ORC5: variants seen among roughly 807,000 people sequenced by gnomAD.
The protein encoded by ORC5 is origin recognition complex subunit 5.
Under a neutral mutation model 58.8 loss-of-function variants are expected in ORC5, and 39 were observed. That is an observed-to-expected ratio of 0.66 (90% CI 0.51 to 0.87). The LOEUF is 0.87. Ranked by LOEUF, ORC5 falls within the 40% of genes least tolerant of loss-of-function variation. The pLI, the probability that ORC5 is intolerant of heterozygous loss-of-function variation, is 0.00. For synonymous variants in ORC5, 218 were observed against 177.6 expected (o/e 1.23, Z -1.81); for missense variants, 493 against 506.3 (o/e 0.97, Z 0.25).
chr7:104,158,744 C>T (rs1362051200), intron 12 of ORC5, among the ~76,000 whole-genome samples: 1 of 151,642 alleles, frequency 6.6e-6, no homozygotes, highest in Non-Finnish European at 1.5e-5. Context: ...TCATCACTGG[C>T]CATCAGAGAA....
In ORC5 at chr7:104,205,890, T is replaced by C. The variant is rs1003653248; in HGVS notation, c.73-1656A>G. Among the ~76,000 whole-genome samples the C allele has an allele frequency of 3.3e-5, 5 of 152,136 alleles. No homozygotes were observed. The South Asian group carries it at 8.3e-4, about 25-fold the overall frequency. On this transcript the variant is annotated intron_variant, in intron 1 of 13. Coordinates refer to ENST00000297431, the MANE Select transcript of ORC5 (RefSeq NM_002553.4). ...CAGGCTTGGAGGCAAACACCTGTGGTCCCAGCTACTCGGAGGCTGAGGTGG... is the reference window on the plus strand; with the variant it reads ...CAGGCTTGGAGGCAAACACCTGTGGCCCCAGCTACTCGGAGGCTGAGGTGG...
chr7:104,163,072 T>C (rs1221204448), intron 11 of ORC5, among the ~76,000 whole-genome samples: 1 of 152,252 alleles, frequency 6.6e-6, no homozygotes, highest in African/African-American at 2.4e-5. Flanking sequence ...AAAAAATTCA[T>C]TATTACAAAT....
chr7:104,127,071 A>G (rs1486354164), intron 13 of ORC5, among the ~76,000 whole-genome samples, 178 bp from the exon 14 acceptor site: 4 of 151,398 alleles, frequency 2.6e-5, no homozygotes, highest in African/African-American at 4.9e-5. Flanking sequence ...GGAACACAAT[A>G]TTTTAATTTT....
chr7:104,194,064 C>T (rs1296452676), intron 5 of ORC5, among the ~76,000 whole-genome samples: 6 of 148,414 alleles, frequency 4.0e-5, no homozygotes, highest in African/African-American at 1.2e-4. Flanking sequence ...TCATGAAAAA[C>T]TGAACTATGA....
At chr7:104,159,129 A>G (rs1241602335) in intron 12 of ORC5, among the ~76,000 whole-genome samples, 3 of 150,958 alleles carry the variant, frequency 2.0e-5, no homozygotes, top group Admixed American at 6.6e-5. Flanking sequence ...CATATACACC[A>G]TGGAATACTA....
chr7:104,203,895 G>A (rs1048518932), intron 2 of ORC5, among the ~76,000 whole-genome samples: 6 of 152,210 alleles, frequency 3.9e-5, no homozygotes, highest in African/African-American at 1.4e-4. Context: ...TTTTAACAAT[G>A]TGAAGCAACA....
At position 104,128,675 on chromosome 7, in the gene ORC5, T is replaced by TC. The variant is rs546845907; in HGVS notation, c.1263-1783dup. Among the ~76,000 whole-genome samples the TC allele has an allele frequency of 9.5e-3, 237 of 25,008 alleles. 2 individuals carry two copies. Among genetic ancestry groups the TC allele is most frequent in the African/African-American group, 0.032 (208 of 6,466 alleles). The allele number at this position is 25,008 out of a possible 152,430, so 16.4% of individuals were successfully genotyped here. A position where few individuals can be genotyped will look rare whatever the true frequency, so the allele number is the denominator to read the frequency against. ...ATCTCCTAATGCTATCCCTCCCCCC[T>TC]CCCCCCCACCCCACAACAGTCCCCA... On this transcript the variant is annotated intron_variant, in intron 13 of 13. Coordinates refer to ENST00000297431, the MANE Select transcript of ORC5 (RefSeq NM_002553.4).
rs1205032627 is a variant in ORC5, at chr7:104,126,851, C to T, written c.1305G>A (p.Leu435=). 9 of 1,605,356 alleles carry T rather than the reference C, an allele frequency of 5.6e-6. No homozygotes were observed. Among genetic ancestry groups the T allele is most frequent in the Non-Finnish European group, 6.8e-6 (8 of 1,174,332 alleles). Residue 435 remains leucine (L), a synonymous_variant, in exon 14 of 14, where the codon TTG becomes TTA. Coordinates refer to ENST00000297431, the MANE Select transcript of ORC5 (RefSeq NM_002553.4). ...CATATGGCTTTGAAGCTTGTTTTCA[C>T]AAGAAATCATACAAGTATTTTATTA... is the stretch of plus-strand genomic sequence containing the variant. ...FDIIKYLYDF[L]
chr7:104,189,106 G>A (rs1410315227), intron 5 of ORC5, among the ~76,000 whole-genome samples: 2 of 152,156 alleles, frequency 1.3e-5, no homozygotes, highest in East Asian at 3.9e-4. Context: ...GATAGCTTCA[G>A]GATGGGGACT....
intron 8 of ORC5, among the ~76,000 whole-genome samples, chr7:104,178,030 T>C (rs1584506876): frequency 6.6e-6 from 1 of 152,210 alleles, no homozygotes; most frequent in African/African-American, 2.4e-5. Context: ...GCAATAAACA[T>C]AGGTGTGCAT....
chr7:104,165,391 G>A, intron 10 of ORC5, 109 bp from the exon 11 acceptor site: 1 of 630,972 alleles, frequency 1.6e-6, no homozygotes, highest in East Asian at 3.1e-5. Context: ...GTATATCTCA[G>A]GTTTTTAAAT....
chr7:104,171,687 C>CA (rs375401251), intron 8 of ORC5, among the ~76,000 whole-genome samples: 11 of 151,440 alleles, frequency 7.3e-5, no homozygotes, highest in Admixed American at 2.6e-4. Context: ...ACTCTTAAAA[C>CA]AAAAAAAATA....
At chr7:104,185,160 G>A (rs987527508) in intron 6 of ORC5, among the ~76,000 whole-genome samples, 3 of 151,966 alleles carry the variant, frequency 2.0e-5, no homozygotes, top group Admixed American at 6.6e-5. Context: ...GTTGATAGAT[G>A]CAGCAAACCA....
At position 104,138,027 on chromosome 7, in the gene ORC5, A is replaced by G. The variant is rs761232588; in HGVS notation, c.1150-1134T>C. Among the ~76,000 whole-genome samples, 13 of 152,212 alleles carry G rather than the reference A, an allele frequency of 8.5e-5. No individual in the cohort carries two copies. Among genetic ancestry groups the G allele is most frequent in the Non-Finnish European group, 1.9e-4 (13 of 68,042 alleles). ...TCAGGAGCTGTAAGCATTCATCCCT[A>G]GATGCGGCCGTGAGATTGGAGCCCC... On this transcript the variant is annotated intron_variant, in intron 12 of 13. Coordinates refer to ENST00000297431, the MANE Select transcript of ORC5 (RefSeq NM_002553.4). The surrounding 1 kb of genome is among the most constrained non-coding windows in gnomAD (Gnocchi z 4.7).
intron 8 of ORC5, among the ~76,000 whole-genome samples, chr7:104,172,309 A>C (rs1364027885): frequency 5.3e-5 from 8 of 152,232 alleles, no homozygotes; most frequent in Admixed American, 2.0e-4. Context: ...CAAGCAAACA[A>C]GTTTTCCTAC....
In ORC5 at chr7:104,136,033, CCT is replaced by C. The variant is rs1238071163; in HGVS notation, c.1262+746_1262+747del. 6.6e-6 allele frequency among the ~76,000 whole-genome samples: 1 copy of C among 152,126 alleles called. No individual in the cohort carries two copies. The highest frequency in any genetic ancestry group is 1.5e-5 in the Non-Finnish European group (1 of 68,012). ...AACATTTTCCATAACACTAAGAACA[CCT>C]CTTTGTAAGGAAACTTGTATTTTTA... On this transcript the variant is annotated intron_variant, in intron 13 of 13. Coordinates refer to ENST00000297431, the MANE Select transcript of ORC5 (RefSeq NM_002553.4). This position sits in a 1 kb window ranked among gnomAD's most constrained non-coding sequence, Gnocchi z 4.2.
At chr7:104,178,652 T>C (rs981193262) in intron 8 of ORC5, among the ~76,000 whole-genome samples, 6 of 152,200 alleles carry the variant, frequency 3.9e-5, no homozygotes, top group Non-Finnish European at 8.8e-5. Context: ...ATGTCCTGAA[T>C]GGTGTTGCCT....
At chr7:104,158,534 C>T (rs1383974932) in intron 12 of ORC5, among the ~76,000 whole-genome samples, 2 of 151,838 alleles carry the variant, frequency 1.3e-5, no homozygotes, top group East Asian at 1.9e-4. Flanking sequence ...TCAGAGTGAA[C>T]AGGCAACCTA....
chr7:104,148,644 T>A (rs1445884916), intron 12 of ORC5, among the ~76,000 whole-genome samples: 1 of 152,162 alleles, frequency 6.6e-6, no homozygotes, highest in East Asian at 1.9e-4. Flanking sequence ...AAAACATTAA[T>A]GTGGAATTGA....
Sources: gnomAD v4.1 joint callset for allele counts (sites outside exome capture counted in the v4.1 genomes callset) on GRCh38, gnomAD v4.1.1 for gene constraint, Gnocchi (gnomAD v3.1) non-coding constraint, MANE v1.5 for transcripts, NCBI Gene and HGNC (gene_info 2026-07-23, HGNC 2026-07-21) for gene names.